LRP2BP: variants seen among roughly 807,000 people sequenced by gnomAD.
LRP2BP encodes the protein LRP2 binding protein, also known as LRP2-binding protein.
In LRP2BP, 38 loss-of-function variants were observed where a neutral mutation model predicts 45.2. That is an observed-to-expected ratio of 0.84 (90% CI 0.65 to 1.10). The LOEUF (loss-of-function observed/expected upper bound fraction) is 1.10, where lower values mean the gene tolerates loss of function less well. LRP2BP is among the 50% of genes least tolerant of loss of function. The probability of loss-of-function intolerance (pLI) is 0.00; values close to 1 mark genes in which losing one functional copy is unlikely to be tolerated. For synonymous variants in LRP2BP, 153 were observed against 153.9 expected, an observed-to-expected ratio of 0.99 and a Z score of 0.04; for missense variants, 385 against 418.9, an observed-to-expected ratio of 0.92 and a Z score of 0.71.
At chr4:185,380,653 A>G (rs141893135) in intron 1 of LRP2BP, among the ~76,000 whole-genome samples, 6 of 152,208 alleles carry the variant, frequency 3.9e-5, no homozygotes, top group African/African-American at 1.4e-4. Flanking sequence ...AAAATATCCT[A>G]TTTCCAAAGA....
At chr4:185,367,911 A>G (rs992632967) in intron 8 of LRP2BP, among the ~76,000 whole-genome samples, 116 of 152,174 alleles carry the variant, frequency 7.6e-4, no homozygotes, top group Non-Finnish European at 1.4e-3. Context: ...CGGGCGCGGT[A>G]GCTCACACCT....
chr4:185,377,520 AAAC>A (rs756535819), intron 2 of LRP2BP: 42 of 168,284 alleles, frequency 2.5e-4, no homozygotes, highest in Middle Eastern at 2.8e-3. Flanking sequence ...CTCCATCTCA[AAAC>A]AACAACAACA....
intron 8 of LRP2BP, among the ~76,000 whole-genome samples, chr4:185,368,802 T>TTG (rs1206976035): frequency 2.5e-4 from 38 of 151,534 alleles, no homozygotes; most frequent in Admixed American, 9.2e-4. Context: ...TTTGTTTTTT[T>TTG]TTTTTTTTTG....
At chr4:185,377,176 C>T (rs1472653923) in intron 2 of LRP2BP, 158 bp from the exon 3 acceptor site, 8 of 620,518 alleles carry the variant, frequency 1.3e-5, no homozygotes, top group South Asian at 1.1e-4. Context: ...AGAAATATTA[C>T]CTGAAAAAAC....
chr4:185,377,542 C>A (rs567927115), intron 2 of LRP2BP: 3,811 of 166,706 alleles, frequency 0.023, 150 homozygotes, highest in African/African-American at 0.082. Flanking sequence ...CAACAACAAA[C>A]AATACTTGTT....
intron 1 of LRP2BP, among the ~76,000 whole-genome samples, chr4:185,380,548 CTG>C (rs2095452976): frequency 6.6e-6 from 1 of 152,206 alleles, no homozygotes; most frequent in South Asian, 2.1e-4. Flanking sequence ...TCCTCTATCT[CTG>C]TGTGTCCTCT....
At chr4:185,396,265 A>T (rs1164539866), upstream of LRP2BP, 1 of 152,086 alleles carries the variant, frequency 6.6e-6, no homozygotes, top group East Asian at 1.9e-4. Context: ...ACTGCGCGCG[A>T]GGTAAAGGAA....
At position 185,367,081 on chromosome 4, in the gene LRP2BP, G is replaced by A; in HGVS notation, c.*99C>T. ...TCACCTGTAAAATACCCAGGATAGT[G>A]TAATTTGTGATGTGCAAAATAACCA... is the stretch of plus-strand genomic sequence containing the variant. On this transcript the variant is annotated 3_prime_UTR_variant, in exon 9 of 9. Transcript: ENST00000505916. The A allele has an allele frequency of 9.7e-7, 1 of 1,025,974 alleles. No homozygotes were observed. The highest frequency in any genetic ancestry group is 1.5e-6 in the Non-Finnish European group (1 of 667,650). 63.6% of individuals were successfully genotyped at this position (1,025,974 alleles called of 1,614,324 possible).
intron 1 of LRP2BP, 174 bp from the exon 2 acceptor site, chr4:185,378,381 C>G: frequency 7.2e-7 from 1 of 1,394,840 alleles, no homozygotes; most frequent in South Asian, 1.7e-5. Context: ...ACACCAAGAC[C>G]CTCCTCCCTA....
At chr4:185,387,924 CCTCTCT>C (rs1561092487) in intron 1 of LRP2BP, among the ~76,000 whole-genome samples, 1 of 152,204 alleles carries the variant, frequency 6.6e-6, no homozygotes, top group Non-Finnish European at 1.5e-5. Flanking sequence ...ATGATTCCTC[CCTCTCT>C]AACTCCTTTT....
chr4:185,378,224 A>G lies in LRP2BP; in HGVS notation c.-21-17T>C, dbSNP rs745715355. The G allele has an allele frequency of 6.9e-6, 11 of 1,603,786 alleles. No individual in the cohort carries two copies. In the African/African-American group the frequency reaches 1.4e-4, roughly 20 times the overall value. ...ATGTGTATTCTATAAGCAAGAAGAA[A>G]AAATAAGTGGTAGAAATTTCTTCCT... On this transcript the variant is annotated splice_polypyrimidine_tract_variant and intron_variant, in intron 1 of 8. Transcript: ENST00000505916.
intron 2 of LRP2BP, chr4:185,377,369 T>C (rs965512981): frequency 9.9e-6 from 2 of 201,084 alleles, no homozygotes; most frequent in African/African-American, 2.3e-5. Context: ...AAATGCAAAA[T>C]TAGCAGGGCG....
At chr4:185,396,911 C>T (rs1561100828), upstream of LRP2BP, 1 of 1,613,414 alleles carries the variant, frequency 6.2e-7, no homozygotes, top group East Asian at 2.2e-5. Flanking sequence ...TTGTCATCTG[C>T]CTTAGGCGGG....
intron 1 of LRP2BP, 63 bp from the exon 2 acceptor site, chr4:185,378,270 A>T: frequency 6.4e-7 from 1 of 1,574,002 alleles, no homozygotes; most frequent in Non-Finnish European, 8.6e-7. Context: ...GCAAAGAGAG[A>T]CTCTATTCCC....
upstream of LRP2BP, chr4:185,396,820 C>T (rs1049050073): frequency 1.6e-6 from 2 of 1,285,440 alleles, no homozygotes; most frequent in Non-Finnish European, 2.2e-6. Context: ...TCTTTAAATT[C>T]TCCCGTGCTA....
At chr4:185,379,834 C>G (rs1158903771) in intron 1 of LRP2BP, among the ~76,000 whole-genome samples, 1 of 150,254 alleles carries the variant, frequency 6.7e-6, no homozygotes, top group Non-Finnish European at 1.5e-5. Context: ...CTCTCTCTCT[C>G]TGAGACAGCG....
At position 185,394,780 on chromosome 4, in the gene LRP2BP, C is replaced by G; in HGVS notation, c.-23G>C. 1.0e-6 allele frequency: 1 copy of G among 985,414 alleles called. No individual in the cohort carries two copies. The highest frequency in any genetic ancestry group is 6.1e-5 in the Admixed American group (1 of 16,286). 61.0% of individuals were successfully genotyped at this position (985,414 alleles called of 1,614,324 possible). On this transcript the variant is annotated splice_region_variant and 5_prime_UTR_variant, in exon 1 of 9. It removes an upstream start codon present in the reference 5' UTR. Transcript: ENST00000505916. ...TCTCTCATCTATTCGGTCACTTACT[C>G]ATCATCCAACGTTTTTTTTAACACT...
chr4:185,370,820 A>T lies in LRP2BP; in HGVS notation c.804-6T>A. 6.2e-7 allele frequency: 1 copy of T among 1,614,004 alleles called. No homozygotes were observed. Among genetic ancestry groups the T allele is most frequent in the South Asian group, 1.1e-5 (1 of 91,070 alleles). On this transcript the variant is annotated splice_polypyrimidine_tract_variant and splice_region_variant and intron_variant, in intron 7 of 8. Coordinates refer to ENST00000505916, the MANE Select transcript of LRP2BP (RefSeq NM_001377440.1). ...CCTCATCATAGTCAGCGATCCTGAG[A>T]GGATGTAGAGTTGTGAAATGGAAAA...
In LRP2BP at chr4:185,374,144, C is replaced by T. The variant is rs552283919; in HGVS notation, c.570G>A (p.Glu190=). Residue 190 remains glutamate (E), a synonymous_variant, in exon 6 of 9, where the codon GAG becomes GAA. Coordinates refer to ENST00000505916, the MANE Select transcript of LRP2BP (RefSeq NM_001377440.1). ...GLYYSTKEPK[E]LEKAFYWHSE... ...AAAGAGGGAACGTTACCTTTTCTAA[C>T]TCCTTGGGCTCCTTGGTTGAGTAAT... 2.6e-4 allele frequency: 413 copies of T among 1,613,772 alleles called. 3 individuals are homozygous for T. In the South Asian group the frequency reaches 4.2e-3, roughly 17 times the overall value.
Sources: gnomAD v4.1 joint callset for allele counts (sites outside exome capture counted in the v4.1 genomes callset) on GRCh38, gnomAD v4.1.1 for gene constraint, MANE v1.5 for transcripts, NCBI Gene and HGNC (gene_info 2026-07-23, HGNC 2026-07-21) for gene names.